ECPAS: variants seen among roughly 807,000 people sequenced by gnomAD.
ECPAS encodes Ecm29 proteasome adaptor and scaffold, also known as proteasome adapter and scaffold protein ECM29.
Under a neutral mutation model 255.1 loss-of-function variants are expected in ECPAS, and 70 were observed. That is an observed-to-expected ratio of 0.27 (90% CI 0.23 to 0.33). ECPAS has a LOEUF of 0.33. Among genes scored for constraint, ECPAS ranks in the 10% least tolerant of loss-of-function variants. ECPAS has a pLI of 1.00. For missense variants in ECPAS, 1,817 were observed against 2,206.4 expected (o/e 0.82, Z 3.54); for synonymous variants, 784 against 775.0 (o/e 1.01, Z -0.19).
intron 34 of ECPAS, 70 bp downstream of exon 34, chr9:111,384,452 A>T: frequency 7.5e-7 from 1 of 1,334,642 alleles, no homozygotes; most frequent in Non-Finnish European, 1.1e-6. Context: ...CTATGACAGT[A>T]AGTAAATCAT....
chr9:111,405,978 A>G lies in ECPAS; in HGVS notation c.2652+2593T>C, dbSNP rs1330641640. Among the ~76,000 whole-genome samples the G allele has an allele frequency of 4.0e-5, 6 of 149,788 alleles. 1 individual carries two copies. In the East Asian group the frequency reaches 8.0e-4, roughly 20 times the overall value. On this transcript the variant is annotated intron_variant, in intron 24 of 49. Transcript: ENST00000684092. Reference sequence around the variant, plus strand: ...GAAGGTTCCTCAAAAAACTAAAAATAGAACTATCATATAACCCAGCAATCC... The same window carrying G: ...GAAGGTTCCTCAAAAAACTAAAAATGGAACTATCATATAACCCAGCAATCC...
chr9:111,467,258 GAGAGA>G (rs1044273152), intron 2 of ECPAS, among the ~76,000 whole-genome samples: 8 of 152,068 alleles, frequency 5.3e-5, no homozygotes, highest in African/African-American at 1.4e-4. Flanking sequence ...GAGAAGAGAA[GAGAGA>G]AGAGAAGAGA....
At chr9:111,382,829 C>T (rs1231280260) in intron 35 of ECPAS, among the ~76,000 whole-genome samples, 2 of 152,146 alleles carry the variant, frequency 1.3e-5, no homozygotes, top group Non-Finnish European at 2.9e-5. Context: ...TATATCAAAA[C>T]GTGTAAGTAC....
At chr9:111,431,943 T>C (rs969593787) in intron 8 of ECPAS, among the ~76,000 whole-genome samples, 9 of 152,328 alleles carry the variant, frequency 5.9e-5, no homozygotes, top group Non-Finnish European at 1.2e-4. Context: ...TTTTCTTTCA[T>C]AATACTTGTG....
intron 41 of ECPAS, among the ~76,000 whole-genome samples, chr9:111,372,903 G>A (rs55846470): frequency 0.072 from 10,879 of 152,078 alleles, 571 homozygotes; most frequent in Non-Finnish European, 0.12. Flanking sequence ...GTGGTGGCAC[G>A]TGCCTGTAGT....
intron 25 of ECPAS, among the ~76,000 whole-genome samples, chr9:111,395,880 T>C (rs905331522): frequency 9.2e-5 from 14 of 152,224 alleles, no homozygotes; most frequent in Non-Finnish European, 1.6e-4. Flanking sequence ...GCTTCATGTG[T>C]GTTCAAAGAA....
chr9:111,475,559 AC>A lies in ECPAS; in HGVS notation c.-82-2560del, dbSNP rs1481922155. Among the ~76,000 whole-genome samples, 3 of 152,136 alleles carry A rather than the reference AC, an allele frequency of 2.0e-5. No individual in the cohort carries two copies. The East Asian group carries it at 5.8e-4, about 29-fold the overall frequency. On this transcript the variant is annotated intron_variant, in intron 1 of 49. Coordinates refer to ENST00000684092, the MANE Select transcript of ECPAS (RefSeq NM_001364929.1). The stretch of plus-strand genomic sequence containing the variant: ...AGACCAGCCTGGCCAACATTGTGAA[AC>A]CCCATCTGTACTAAAAATACAAAAA...
At chr9:111,444,215 C>T (rs936910106) in intron 4 of ECPAS, among the ~76,000 whole-genome samples, 163 bp downstream of exon 4, 13 of 150,908 alleles carry the variant, frequency 8.6e-5, no homozygotes, top group South Asian at 2.1e-4. Context: ...GATTGGTACT[C>T]AGTGGAAAAA....
chr9:111,414,283 G>C (rs2098199612), intron 19 of ECPAS, 146 bp downstream of exon 19: 1 of 705,690 alleles, frequency 1.4e-6, no homozygotes, highest in Non-Finnish European at 2.3e-6. Context: ...TATCCAGAAT[G>C]AATCAGGTAA....
At chr9:111,442,557 G>A (rs1286755385) in intron 4 of ECPAS, 133 bp from the exon 5 acceptor site, 15 of 616,358 alleles carry the variant, frequency 2.4e-5, no homozygotes, top group Non-Finnish European at 3.4e-5. Flanking sequence ...CTCCCTCCAC[G>A]TTTATTGCAC....
chr9:111,362,231 C>T, intron 49 of ECPAS, 62 bp from the exon 50 acceptor site: 2 of 1,381,758 alleles, frequency 1.4e-6, no homozygotes, highest in Non-Finnish European at 1.9e-6. Context: ...AGAAAAAACC[C>T]CAAAGAATCC....
At chr9:111,445,508 T>G (rs2098251708) in intron 3 of ECPAS, among the ~76,000 whole-genome samples, 1 of 151,914 alleles carries the variant, frequency 6.6e-6, no homozygotes, top group African/African-American at 2.4e-5. Context: ...CACTGAGTCC[T>G]TAAGATTTAA....
At chr9:111,408,747 G>T in intron 23 of ECPAS, 75 bp from the exon 24 acceptor site, 3 of 838,566 alleles carry the variant, frequency 3.6e-6, no homozygotes, top group Non-Finnish European at 5.3e-6. Context: ...TTTCCAAAAT[G>T]AGATGACAGG....
chr9:111,365,959 A>T, intron 48 of ECPAS: 1 of 430,722 alleles, frequency 2.3e-6, no homozygotes, highest in African/African-American at 2.0e-5. Context: ...TATTACATGT[A>T]CTGTCGTTGC....
chr9:111,443,560 C>A (rs943771076), intron 4 of ECPAS, among the ~76,000 whole-genome samples: 4 of 152,090 alleles, frequency 2.6e-5, no homozygotes, highest in Non-Finnish European at 4.4e-5. Flanking sequence ...CTGAAGAATT[C>A]TTTACTAAAG....
chr9:111,391,319 T>A lies in ECPAS; in HGVS notation c.3161+437A>T, dbSNP rs528929325. ...CCTGCCAGGCACAGTGGCTCACGCC[T>A]GTAATCCCAGCACTTTGGGAGGCCG... is the stretch of plus-strand genomic sequence containing the variant. On this transcript the variant is annotated intron_variant, in intron 29 of 49. Transcript: ENST00000684092. Among the ~76,000 whole-genome samples the A allele has an allele frequency of 1.1e-4, 17 of 152,320 alleles. 1 individual carries two copies. The highest frequency in any genetic ancestry group is 1.0e-3 in the Admixed American group (16 of 15,306).
chr9:111,441,561 T>C (rs866483027), intron 5 of ECPAS, among the ~76,000 whole-genome samples: 21 of 152,146 alleles, frequency 1.4e-4, no homozygotes, highest in Admixed American at 3.3e-4. Flanking sequence ...AAATCAATCA[T>C]ATTAATATTT....
chr9:111,473,615 C>A lies in ECPAS; in HGVS notation c.-82-615G>T, dbSNP rs769178630. On this transcript the variant is annotated intron_variant, in intron 1 of 49. Coordinates refer to ENST00000684092, the MANE Select transcript of ECPAS (RefSeq NM_001364929.1). ...CCACACTGTCTCCCTAGCTTCAGAA[C>A]CAAGGTTCCCACACACCCGCAATCC... 5.9e-5 allele frequency among the ~76,000 whole-genome samples: 9 copies of A among 152,168 alleles called. No homozygotes were observed. The South Asian group carries it at 6.2e-4, about 11-fold the overall frequency.
intron 2 of ECPAS, among the ~76,000 whole-genome samples, chr9:111,455,649 T>C (rs2098266017): frequency 6.6e-6 from 1 of 152,208 alleles, no homozygotes; most frequent in African/African-American, 2.4e-5. Context: ...GAACATCAGC[T>C]TCCCTTCAGG....
Sources: allele counts gnomAD v4.1 joint callset (sites outside exome capture counted in the v4.1 genomes callset), GRCh38; gene constraint gnomAD v4.1.1; transcripts MANE v1.5; gene names NCBI Gene and HGNC (gene_info 2026-07-23, HGNC 2026-07-21).